Variants in MDGA2 observed in about 807,000 individuals in gnomAD.
MDGA2 encodes MAM domain containing glycosylphosphatidylinositol anchor 2.
MDGA2 carries 40 observed loss-of-function variants against 117.8 expected under a neutral mutation model. That is an observed-to-expected ratio of 0.34 (90% CI 0.26 to 0.44). The LOEUF (loss-of-function observed/expected upper bound fraction) is 0.44, where lower values mean the gene tolerates loss of function less well. MDGA2 is among the 20% of genes least tolerant of loss of function. MDGA2 has a pLI of 1.00. For synonymous variants in MDGA2, 452 were observed against 439.0 expected (o/e 1.03, Z -0.37); for missense variants, 1,123 against 1,250.6 (o/e 0.90, Z 1.54).
chr14:47,214,234 A>T (rs1270891307), intron 3 of MDGA2, among the ~76,000 whole-genome samples: 3 of 152,038 alleles, frequency 2.0e-5, no homozygotes, highest in Non-Finnish European at 4.4e-5. Flanking sequence ...ATTTACCCCA[A>T]CAACAACAAC....
At position 47,023,206 on chromosome 14, in the gene MDGA2, A is replaced by AAAAAAAAAG. The variant is rs1353414176; in HGVS notation, c.1819+11804_1819+11805insCTTTTTTTT. Among the ~76,000 whole-genome samples the AAAAAAAAAG allele has an allele frequency of 2.4e-3, 273 of 114,854 alleles. 4 individuals carry two copies. The highest frequency in any genetic ancestry group is 9.5e-3 in the African/African-American group (247 of 26,126). The allele number at this position is 114,854 out of a possible 152,430, so 75.3% of individuals were successfully genotyped here. A position where few individuals can be genotyped will look rare whatever the true frequency, so the allele number is the denominator to read the frequency against. ...GAAAGTATTCCCACTCGTAAAAAAAAAAAAAAAAAAAGAAAAAGAAAGAAA... is the reference window on the plus strand; with the variant it reads ...GAAAGTATTCCCACTCGTAAAAAAAAAAAAAAAAGAAAAAAAAAAAGAAAAAGAAAGAAA... On this transcript the variant is annotated intron_variant, in intron 8 of 16. Transcript: ENST00000399232.
intron 1 of MDGA2, among the ~76,000 whole-genome samples, chr14:47,588,797 T>C (rs892209558): frequency 2.0e-5 from 3 of 151,946 alleles, no homozygotes; most frequent in African/African-American, 7.2e-5. Context: ...ACAAACCTAA[T>C]GGCTGAAACT....
At chr14:47,537,159 C>T (rs999747208) in intron 1 of MDGA2, among the ~76,000 whole-genome samples, 1 of 151,818 alleles carries the variant, frequency 6.6e-6, no homozygotes. Context: ...AACGTGCAAC[C>T]GTTACAAATT....
At chr14:46,886,079 GAAAT>G (rs1208298916) in intron 10 of MDGA2, among the ~76,000 whole-genome samples, 8 of 152,086 alleles carry the variant, frequency 5.3e-5, no homozygotes, top group African/African-American at 1.9e-4. Context: ...AAGACACAAA[GAAAT>G]ATAAGCAATC....
intron 5 of MDGA2, among the ~76,000 whole-genome samples, chr14:47,101,264 T>C (rs17213360): frequency 0.019 from 2,853 of 152,240 alleles, 36 homozygotes; most frequent in Middle Eastern, 0.054. Flanking sequence ...TCCAAAATCA[T>C]GAACTCTCAA....
rs529617327 is a variant in MDGA2 at position 46,991,054 on chromosome 14, T to C, written c.1820-33411A>G. Among the ~76,000 whole-genome samples, 4 of 152,248 alleles carry C rather than the reference T, an allele frequency of 2.6e-5. No homozygotes were observed. The South Asian group carries it at 8.3e-4, about 32-fold the overall frequency. Reference sequence around the variant, plus strand: ...GTCTGGCTACCATCTGGTCCTTCAATATGAAATAAGTAGTGGTAATATATT... The same window carrying C: ...GTCTGGCTACCATCTGGTCCTTCAACATGAAATAAGTAGTGGTAATATATT... On this transcript the variant is annotated intron_variant, in intron 8 of 16. Coordinates refer to ENST00000399232, the MANE Select transcript of MDGA2 (RefSeq NM_001113498.3).
At chr14:47,489,674 A>G (rs1206471658) in intron 1 of MDGA2, among the ~76,000 whole-genome samples, 1 of 152,122 alleles carries the variant, frequency 6.6e-6, no homozygotes, top group Non-Finnish European at 1.5e-5. Flanking sequence ...AACTCTAAGC[A>G]TTCAGAACTG....
chr14:47,372,478 T>C (rs1891383937), intron 1 of MDGA2, among the ~76,000 whole-genome samples: 1 of 151,852 alleles, frequency 6.6e-6, no homozygotes, highest in Non-Finnish European at 1.5e-5. Flanking sequence ...GAAAAGATAT[T>C]CCCTCTCATT....
At chr14:47,245,147 C>T in intron 2 of MDGA2, among the ~76,000 whole-genome samples, 1 of 151,742 alleles carries the variant, frequency 6.6e-6, no homozygotes, top group Non-Finnish European at 1.5e-5. Flanking sequence ...CTCAAGTCTC[C>T]TGAGTAGCTG....
intron 8 of MDGA2, among the ~76,000 whole-genome samples, chr14:46,980,722 C>T (rs1379412151): frequency 6.6e-6 from 1 of 152,136 alleles, no homozygotes; most frequent in Non-Finnish European, 1.5e-5. Flanking sequence ...CAAGGCAAGA[C>T]CCTCCACCAG....
chr14:46,966,620 AC>A (rs1886040398), intron 8 of MDGA2, among the ~76,000 whole-genome samples: 2 of 152,176 alleles, frequency 1.3e-5, no homozygotes. Context: ...TTTTGGTATT[AC>A]CCATATATTA....
intron 8 of MDGA2, among the ~76,000 whole-genome samples, chr14:47,027,087 G>A (rs1888500947): frequency 6.6e-6 from 1 of 151,838 alleles, no homozygotes; most frequent in Admixed American, 6.6e-5. Flanking sequence ...GATCGCCTGG[G>A]CCAAGGAGTT....
intron 2 of MDGA2, among the ~76,000 whole-genome samples, chr14:47,248,596 G>A (rs994447640): frequency 1.4e-5 from 2 of 145,980 alleles, no homozygotes; most frequent in East Asian, 1.9e-4. Context: ...GTCAAAATTG[G>A]CAGATGGCTG....
chr14:47,515,410 T>C (rs1894730256), intron 1 of MDGA2, among the ~76,000 whole-genome samples: 1 of 152,196 alleles, frequency 6.6e-6, no homozygotes, highest in African/African-American at 2.4e-5. Flanking sequence ...TGTCGCATGT[T>C]GACATCACTG....
intron 1 of MDGA2, among the ~76,000 whole-genome samples, chr14:47,555,112 T>A (rs533109273): frequency 4.6e-5 from 7 of 152,210 alleles, no homozygotes; most frequent in African/African-American, 1.7e-4. Flanking sequence ...TTGTGTGTGT[T>A]CTCACTGACC....
chr14:47,315,085 A>AT lies in MDGA2; in HGVS notation c.281-13536dup, dbSNP rs545508842. ...TTCAATTTTTTTGTACAATGAGCAC[A>AT]TTTTTTCCCCCAGAGCTAATATAAT... On this transcript the variant is annotated intron_variant, in intron 1 of 16. Coordinates refer to ENST00000399232, the MANE Select transcript of MDGA2 (RefSeq NM_001113498.3). Among the ~76,000 whole-genome samples the AT allele has an allele frequency of 2.4e-3, 368 of 152,056 alleles. 3 individuals carry two copies. Among genetic ancestry groups the AT allele is most frequent in the African/African-American group, 8.1e-3 (337 of 41,470 alleles).
At chr14:47,613,210 G>A (rs1401847170) in intron 1 of MDGA2, among the ~76,000 whole-genome samples, 2 of 152,112 alleles carry the variant, frequency 1.3e-5, no homozygotes, top group African/African-American at 4.8e-5. Context: ...TGGCCACTCA[G>A]CCAGCTACTG....
At chr14:46,909,194 T>G (rs1161935719) in intron 10 of MDGA2, among the ~76,000 whole-genome samples, 1 of 152,228 alleles carries the variant, frequency 6.6e-6, no homozygotes, top group African/African-American at 2.4e-5. Flanking sequence ...AATCAAATCT[T>G]TATTCTTATT....
At chr14:47,636,862 C>T (rs1897332743) in intron 1 of MDGA2, among the ~76,000 whole-genome samples, 1 of 140,528 alleles carries the variant, frequency 7.1e-6, no homozygotes, top group African/African-American at 2.7e-5. Flanking sequence ...ATCCCAGCTA[C>T]TCGGGAGGCT....
Sources: gnomAD v4.1 joint callset for allele counts (sites outside exome capture counted in the v4.1 genomes callset) on GRCh38, gnomAD v4.1.1 for gene constraint, MANE v1.5 for transcripts, NCBI Gene and HGNC (gene_info 2026-07-23, HGNC 2026-07-21) for gene names.